Variants in UNC13B observed in about 807,000 individuals in gnomAD.
UNC13B encodes unc-13 homolog B, also known as protein unc-13 homolog B.
Under a neutral mutation model 211.0 loss-of-function variants are expected in UNC13B, and 144 were observed. The observed-to-expected ratio is 0.68, with a 90% CI of 0.60 to 0.78. The LOEUF is 0.78. Ranked by LOEUF, UNC13B falls within the 30% of genes least tolerant of loss-of-function variation. The pLI is 0.00. For synonymous variants in UNC13B, 709 were observed against 725.8 expected, an observed-to-expected ratio of 0.98 and a Z score of 0.37; for missense variants, 1,777 against 2,002.0, an observed-to-expected ratio of 0.89 and a Z score of 2.14.
At chr9:35,163,770 G>T (rs1014396249) in intron 1 of UNC13B, among the ~76,000 whole-genome samples, 11 of 152,256 alleles carry the variant, frequency 7.2e-5, no homozygotes, top group East Asian at 3.9e-4. Context: ...TAGCAGGCAG[G>T]TTTCATTGTC....
In UNC13B at chr9:35,243,288, T is replaced by C. The variant is rs1825906793; in HGVS notation, c.395-3T>C. ...TTTCTTTTTCTTCTTTTTTTTATGG[T>C]AGATATCCCAGAGGAGGAAGCCAGA... On this transcript the variant is annotated splice_region_variant and splice_polypyrimidine_tract_variant and intron_variant, in intron 5 of 39. Coordinates refer to ENST00000635942, the MANE Select transcript of UNC13B (RefSeq NM_001371189.2). 2 of 1,613,040 alleles carry C rather than the reference T, an allele frequency of 1.2e-6. No homozygotes were observed. Among genetic ancestry groups the C allele is most frequent in the Non-Finnish European group, 1.7e-6 (2 of 1,179,304 alleles).
chr9:35,191,709 C>A (rs941065377), intron 1 of UNC13B, among the ~76,000 whole-genome samples: 1 of 152,222 alleles, frequency 6.6e-6, no homozygotes, highest in African/African-American at 2.4e-5. Flanking sequence ...TAGCACAAGA[C>A]ACCCACCGTT....
At chr9:35,249,337 A>G (rs1053987551) in intron 6 of UNC13B, among the ~76,000 whole-genome samples, 2 of 152,016 alleles carry the variant, frequency 1.3e-5, no homozygotes, top group African/African-American at 2.4e-5. Context: ...TTTTAATTGG[A>G]GCATTTAGCC....
At chr9:35,205,535 C>T (rs1029257106) in intron 1 of UNC13B, among the ~76,000 whole-genome samples, 1 of 152,256 alleles carries the variant, frequency 6.6e-6, no homozygotes, top group East Asian at 1.9e-4. Context: ...CAATCATTTC[C>T]ATTTTCTCCA....
At chr9:35,189,410 A>G (rs1822529756) in intron 1 of UNC13B, among the ~76,000 whole-genome samples, 1 of 152,202 alleles carries the variant, frequency 6.6e-6, no homozygotes, top group South Asian at 2.1e-4. Flanking sequence ...TAAAGCAGGC[A>G]ATTTGGAACA....
chr9:35,297,503 G>A (rs1247578585), intron 8 of UNC13B, among the ~76,000 whole-genome samples: 12 of 150,762 alleles, frequency 8.0e-5, no homozygotes, highest in Non-Finnish European at 1.5e-4. Flanking sequence ...TGGCAAAAAT[G>A]CTGGATGTTT....
At chr9:35,215,965 CTAAA>C (rs1824225603) in intron 1 of UNC13B, among the ~76,000 whole-genome samples, 1 of 151,998 alleles carries the variant, frequency 6.6e-6, no homozygotes. Flanking sequence ...ATTTTCAAGC[CTAAA>C]TAAAGGACCA....
intron 6 of UNC13B, among the ~76,000 whole-genome samples, chr9:35,248,270 A>G (rs1424268849): frequency 4.0e-5 from 6 of 151,896 alleles, no homozygotes; most frequent in Admixed American, 6.6e-5. Flanking sequence ...TCTTGCTAGC[A>G]GTCTATCAAT....
At chr9:35,217,793 C>T (rs749292946) in intron 1 of UNC13B, among the ~76,000 whole-genome samples, 29 of 152,086 alleles carry the variant, frequency 1.9e-4, no homozygotes, top group Non-Finnish European at 3.4e-4. Flanking sequence ...CCTATAATCC[C>T]AGCACTTTCA....
intron 11 of UNC13B, among the ~76,000 whole-genome samples, chr9:35,360,338 C>A (rs1833327947): frequency 6.6e-6 from 1 of 152,228 alleles, no homozygotes. Flanking sequence ...TTTGGCTTTG[C>A]CACTTGCTGG....
chr9:35,269,543 C>G (rs748736611), intron 7 of UNC13B, among the ~76,000 whole-genome samples: 1 of 152,186 alleles, frequency 6.6e-6, no homozygotes, highest in Non-Finnish European at 1.5e-5. Context: ...ACCTTCAGCC[C>G]CTCTTTTCTC....
intron 1 of UNC13B, among the ~76,000 whole-genome samples, chr9:35,221,729 G>T (rs546656129): frequency 6.6e-6 from 1 of 151,904 alleles, no homozygotes; most frequent in African/African-American, 2.4e-5. Flanking sequence ...TCTAACCCAG[G>T]GTCACTAAGA....
In UNC13B at chr9:35,333,968, T is replaced by G. The variant is rs370803813; in HGVS notation, c.9414+19979T>G. Among the ~76,000 whole-genome samples the G allele has an allele frequency of 9.9e-3, 1,503 of 151,894 alleles. 14 individuals carry two copies. Among genetic ancestry groups the G allele is most frequent in the Middle Eastern group, 0.017 (5 of 294 alleles). ...TTCATATTCATTTTTTTGTTTGTTT[T>G]TTTTTTTGTTTTTTGAGACGGAGTC... On this transcript the variant is annotated intron_variant, in intron 11 of 39. Coordinates refer to ENST00000635942, the MANE Select transcript of UNC13B (RefSeq NM_001371189.2).
chr9:35,192,228 A>G (rs1822698518), intron 1 of UNC13B, among the ~76,000 whole-genome samples: 1 of 152,236 alleles, frequency 6.6e-6, no homozygotes, highest in Admixed American at 6.5e-5. Context: ...AAAAGAAGGA[A>G]AAATACCATA....
In UNC13B at chr9:35,382,455, C is replaced by G. The variant is rs1044006835; in HGVS notation, c.10754C>G (p.Thr3585Ser). 1.9e-6 allele frequency: 3 copies of G among 1,614,078 alleles called. No individual in the cohort carries two copies. Among genetic ancestry groups the G allele is most frequent in the Admixed American group, 1.7e-5 (1 of 59,996 alleles). Residue 3585 changes from threonine to serine, a missense_variant, in exon 21 of 40, where the codon ACT becomes AGT. Coordinates refer to ENST00000635942, the MANE Select transcript of UNC13B (RefSeq NM_001371189.2). ...ATCAACGCCTACTATGCCCACACAA[C>G]TGCCTCTACCAATGTCTCTGCATCT... The part of the protein sequence containing the change: ...ANINAYYAHT[T>S]ASTNVSASDR...
intron 1 of UNC13B, among the ~76,000 whole-genome samples, chr9:35,216,871 C>T (rs1261835880): frequency 6.6e-6 from 1 of 152,096 alleles, no homozygotes; most frequent in Non-Finnish European, 1.5e-5. Context: ...GTGATACATT[C>T]AACAACTTGG....
At position 35,396,569 on chromosome 9, in the gene UNC13B, C is replaced by T; in HGVS notation, c.11402C>T (p.Pro3801Leu). The T allele has an allele frequency of 6.2e-7, 1 of 1,614,106 alleles. No individual in the cohort carries two copies. The highest frequency in any genetic ancestry group is 8.5e-7 in the Non-Finnish European group (1 of 1,180,020). Residue 3801 changes from proline to leucine, a missense_variant, in exon 27 of 40, where the codon CCT (proline) becomes CTT (leucine). Transcript: ENST00000635942. The part of the protein sequence containing the change: ...WLHNEYVRDL[P>L]VLQGQVPEYP... ...CACAATGAATACGTGCGGGATCTGC[C>T]TGTCCTCCAGGGGCAGGTGCCTGAG...
intron 1 of UNC13B, among the ~76,000 whole-genome samples, chr9:35,187,703 G>A (rs901759065): frequency 6.6e-6 from 1 of 152,190 alleles, no homozygotes; most frequent in Non-Finnish European, 1.5e-5. Flanking sequence ...GCTGAACCCA[G>A]CCATGGGTTT....
intron 1 of UNC13B, among the ~76,000 whole-genome samples, chr9:35,213,007 A>G (rs780227297): frequency 3.9e-5 from 6 of 152,252 alleles, no homozygotes; most frequent in Admixed American, 6.5e-5. Context: ...TGGGGAAACA[A>G]TAGTACCCAC....
Sources: gnomAD v4.1 joint callset for allele counts (sites outside exome capture counted in the v4.1 genomes callset) on GRCh38, gnomAD v4.1.1 for gene constraint, MANE v1.5 for transcripts, NCBI Gene and HGNC (gene_info 2026-07-23, HGNC 2026-07-21) for gene names.